ANKRD30B: variants seen among roughly 807,000 people sequenced by gnomAD.
ANKRD30B encodes the protein ankyrin repeat domain-containing protein 30B.
Under a neutral mutation model 202.2 loss-of-function variants are expected in ANKRD30B, and 144 were observed. That is an observed-to-expected ratio of 0.71 (90% CI 0.62 to 0.82). The LOEUF is 0.82. Among genes scored for constraint, ANKRD30B ranks in the 40% least tolerant of loss-of-function variants. The probability of loss-of-function intolerance (pLI) is 0.00; values close to 1 mark genes in which losing one functional copy is unlikely to be tolerated. For missense variants in ANKRD30B, 1,487 were observed against 1,669.1 expected, an observed-to-expected ratio of 0.89 and a Z score of 1.90; for synonymous variants, 508 against 561.3, an observed-to-expected ratio of 0.91 and a Z score of 1.34.
chr18:14,774,983 C>T (rs966130900), intron 9 of ANKRD30B, among the ~76,000 whole-genome samples: 14 of 152,108 alleles, frequency 9.2e-5, no homozygotes, highest in African/African-American at 2.4e-4. Flanking sequence ...ACAAAGTAGA[C>T]GGGCGTGGTG....
chr18:14,918,101 G>A, the ANKRD30B span, among the ~76,000 whole-genome samples: 1,864 of 152,190 alleles, frequency 0.012, 41 homozygotes, highest in African/African-American at 0.042. Flanking sequence ...AAGGACTCCC[G>A]TACTCAGGCA....
At chr18:14,819,592 T>A (rs1427009019) in intron 30 of ANKRD30B, among the ~76,000 whole-genome samples, 5 of 152,206 alleles carry the variant, frequency 3.3e-5, no homozygotes, top group African/African-American at 1.2e-4. Flanking sequence ...GCTCGCCAGT[T>A]TTCCCAGCAC....
intron 36 of ANKRD30B, among the ~76,000 whole-genome samples, chr18:14,839,559 G>T (rs1388637940): frequency 2.0e-5 from 3 of 152,186 alleles, no homozygotes; most frequent in African/African-American, 7.2e-5. Context: ...TATGTTAGAT[G>T]TTTCACGAAT....
intron 8 of ANKRD30B, among the ~76,000 whole-genome samples, chr18:14,771,673 T>A (rs1396990994): frequency 5.3e-5 from 8 of 152,172 alleles, no homozygotes; most frequent in African/African-American, 1.9e-4. Flanking sequence ...AGAATGTCAT[T>A]TTCCAGTGAC....
intron 16 of ANKRD30B, 65 bp downstream of exon 16, chr18:14,791,556 A>G: frequency 7.9e-7 from 1 of 1,261,636 alleles, no homozygotes; most frequent in Non-Finnish European, 1.1e-6. Context: ...ATGAGGAAGG[A>G]TATCCTCTAA....
chr18:14,799,270 G>C lies in ANKRD30B; in HGVS notation c.2106G>C (p.Leu702Phe). Reference sequence around the variant, plus strand: ...CTCTTCCAAATAAAGCTTTAGAATTGAAGGACAGAGAAACATTCAAAGCAG... The same window carrying C: ...CTCTTCCAAATAAAGCTTTAGAATTCAAGGACAGAGAAACATTCAAAGCAG... Reference protein sequence around the residue: ...KVSLPNKALELKDRETFKAAQ... With the variant: ...KVSLPNKALEFKDRETFKAAQ... The change falls in exon 22 of 44, where the codon TTG (leucine) becomes TTC (phenylalanine). Residue 702 changes from leucine to phenylalanine, a missense_variant. Around this residue, in one of 6 missense-constraint regions of ANKRD30B, gnomAD observed 889 missense variants for 841.4 expected, o/e 1.06. Coordinates refer to ENST00000690538, the MANE Select transcript of ANKRD30B (RefSeq NM_001367607.2). The C allele has an allele frequency of 6.5e-7, 1 of 1,544,202 alleles. No individual in the cohort carries two copies. Among genetic ancestry groups the C allele is most frequent in the Non-Finnish European group, 8.7e-7 (1 of 1,146,910 alleles).
chr18:14,915,296 T>G, the ANKRD30B span, among the ~76,000 whole-genome samples: 1 of 152,136 alleles, frequency 6.6e-6, no homozygotes, highest in Non-Finnish European at 1.5e-5. Context: ...ATGTGGTTGT[T>G]TTTTCTGTCC....
rs1284268208 is a variant in ANKRD30B at position 14,755,087 on chromosome 18, A to C, written c.617+82A>C. On this transcript the variant is annotated intron_variant, in intron 4 of 43. Transcript: ENST00000690538. The stretch of plus-strand genomic sequence containing the variant: ...ATGCTCAAGTCAGAAATATTAAATT[A>C]ACAACATTTAGTTAAAATTATTAGA... 1.1e-5 allele frequency: 8 copies of C among 759,408 alleles called. No individual in the cohort carries two copies. In the South Asian group the frequency reaches 2.8e-4, roughly 26 times the overall value. 47.0% of individuals were successfully genotyped at this position (759,408 alleles called of 1,614,324 possible). A position where few individuals can be genotyped will look rare whatever the true frequency, so the allele number is the denominator to read the frequency against.
intron 34 of ANKRD30B, among the ~76,000 whole-genome samples, chr18:14,833,648 T>A (rs1971050185): frequency 1.3e-5 from 2 of 152,226 alleles, no homozygotes; most frequent in Admixed American, 1.3e-4. Context: ...ATTGTCTTAT[T>A]ATGTAATATT....
rs34695479 is a variant in ANKRD30B at position 14,787,256 on chromosome 18, T to TAA, written c.1734+157_1734+158dup. Among the ~76,000 whole-genome samples, 568 of 152,316 alleles carry TAA rather than the reference T, an allele frequency of 3.7e-3. 2 individuals carry two copies. The highest frequency in any genetic ancestry group is 5.6e-3 in the Non-Finnish European group (379 of 68,014). ...TACGCTTAATAGAGAATATATGTGC[T>TAA]AAGTAGATTACCACTTCATGGTGAA... On this transcript the variant is annotated intron_variant, in intron 15 of 43. Transcript: ENST00000690538.
At chr18:14,791,661 G>C (rs1349716358) in intron 16 of ANKRD30B, among the ~76,000 whole-genome samples, 170 bp downstream of exon 16, 6 of 152,148 alleles carry the variant, frequency 3.9e-5, no homozygotes, top group Non-Finnish European at 5.9e-5. Context: ...TGGTAACAGA[G>C]TATATTGAGA....
chr18:14,829,818 T>C (rs1261910721), intron 33 of ANKRD30B, among the ~76,000 whole-genome samples: 1 of 152,182 alleles, frequency 6.6e-6, no homozygotes, highest in Non-Finnish European at 1.5e-5. Context: ...ATTCTGTTCT[T>C]TCACCCCAAA....
At chr18:14,840,744 T>C in intron 37 of ANKRD30B, 66 bp downstream of exon 37, 2 of 861,108 alleles carry the variant, frequency 2.3e-6, no homozygotes, top group Non-Finnish European at 3.5e-6. Flanking sequence ...TGAGGACTGA[T>C]ATACTCTGAC....
At position 14,769,377 on chromosome 18, in the gene ANKRD30B, A is replaced by C. The variant is rs1916743199; in HGVS notation, c.1256+4A>C. On this transcript the variant is annotated splice_donor_region_variant and intron_variant, in intron 8 of 43. Transcript: ENST00000690538. ...GTTCTGTAGAGCCTATATTCAGGTAAGACTTTGCGGTTTTTTAAAACGAAT... is the reference window on the plus strand; with the variant it reads ...GTTCTGTAGAGCCTATATTCAGGTACGACTTTGCGGTTTTTTAAAACGAAT... 1.9e-6 allele frequency: 3 copies of C among 1,544,732 alleles called. No individual in the cohort carries two copies. The African/African-American group carries it at 4.1e-5, about 21-fold the overall frequency.
the ANKRD30B span, among the ~76,000 whole-genome samples, chr18:14,901,821 C>T: frequency 2.0e-5 from 3 of 152,118 alleles, no homozygotes; most frequent in Non-Finnish European, 4.4e-5. Context: ...TTCAGATTGA[C>T]CAGATTGCTT....
the ANKRD30B span, among the ~76,000 whole-genome samples, chr18:14,895,663 G>A: frequency 1.6e-4 from 25 of 152,096 alleles, no homozygotes; most frequent in African/African-American, 2.9e-4. Flanking sequence ...TATGGTACAC[G>A]TATACATTGG....
the ANKRD30B span, among the ~76,000 whole-genome samples, chr18:14,867,313 G>C: frequency 1.4e-5 from 2 of 143,038 alleles, no homozygotes; most frequent in African/African-American, 2.6e-5. Flanking sequence ...CTTGTGGGGA[G>C]GGGGGGCAGG....
chr18:14,936,370 C>T, the ANKRD30B span, among the ~76,000 whole-genome samples: 2 of 152,126 alleles, frequency 1.3e-5, no homozygotes, highest in Non-Finnish European at 2.9e-5. Context: ...CTCCACCTTC[C>T]TCCCTCTTTG....
In ANKRD30B at chr18:14,844,784, T is replaced by C. The variant is rs556368638; in HGVS notation, c.3181+1688T>C. On this transcript the variant is annotated intron_variant, in intron 39 of 43. Transcript: ENST00000690538. Reference sequence around the variant, plus strand: ...TTTTAATGATCGCCATTCTAACTGGTGTGAGATGGTATCTCATTGTGGTTT... The same window carrying C: ...TTTTAATGATCGCCATTCTAACTGGCGTGAGATGGTATCTCATTGTGGTTT... Among the ~76,000 whole-genome samples, 727 of 150,728 alleles carry C rather than the reference T, an allele frequency of 4.8e-3. 3 individuals carry two copies. Among genetic ancestry groups the C allele is most frequent in the Non-Finnish European group, 7.4e-3 (492 of 66,900 alleles).
Sources: allele counts gnomAD v4.1 joint callset (sites outside exome capture counted in the v4.1 genomes callset), GRCh38; gene constraint gnomAD v4.1.1; regional missense constraint gnomAD v4.1.1; transcripts MANE v1.5; gene names NCBI Gene and HGNC (gene_info 2026-07-23, HGNC 2026-07-21).